The following RARG variants were observed in gnomAD, a reference collection of about 807,000 sequenced individuals.
The protein encoded by RARG is RAR-gamma.
Under a neutral mutation model 43.7 loss-of-function variants are expected in RARG, and 17 were observed. The observed-to-expected ratio is 0.39, with a 90% CI of 0.27 to 0.58. The LOEUF (loss-of-function observed/expected upper bound fraction) is 0.58, where lower values mean the gene tolerates loss of function less well. RARG is among the 20% of genes least tolerant of loss of function. The pLI is 0.57. For missense variants in RARG, 346 were observed against 598.7 expected (o/e 0.58, Z 4.40); for synonymous variants, 238 against 236.4 (o/e 1.01, Z -0.06).
intron 3 of RARG, among the ~76,000 whole-genome samples, chr12:53,222,948 C>T (rs999305474): frequency 2.6e-5 from 4 of 152,244 alleles, no homozygotes; most frequent in Admixed American, 6.5e-5. Flanking sequence ...CCCTATGATC[C>T]CCACCACCAG....
At position 53,227,653 on chromosome 12, in the gene RARG, C is replaced by A; in HGVS notation, c.-108G>T. 1 of 1,345,102 alleles carries A rather than the reference C, an allele frequency of 7.4e-7. No homozygotes were observed. Among genetic ancestry groups the A allele is most frequent in the Non-Finnish European group, 9.5e-7 (1 of 1,049,778 alleles). 83.3% of individuals were successfully genotyped at this position (1,345,102 alleles called of 1,614,324 possible). ...CCCAGCCTGGGAGGCTCCGTACCCG[C>A]CCTGCCTGGCCTGCCCACTGGGCCT... On this transcript the variant is annotated 5_prime_UTR_variant, in exon 3 of 10. Coordinates refer to ENST00000425354, the MANE Select transcript of RARG (RefSeq NM_000966.6). The surrounding 1 kb of genome is among the most constrained non-coding windows in gnomAD (Gnocchi z 4.3).
intron 3 of RARG, chr12:53,220,246 T>G (rs1285188818): frequency 8.7e-4 from 267 of 306,802 alleles, no homozygotes; most frequent in South Asian, 1.1e-3. Context: ...GGGTAAGGGG[T>G]GGGCGGGGAA....
At chr12:53,228,864 C>T (rs964363793) in intron 2 of RARG, among the ~76,000 whole-genome samples, 2 of 152,118 alleles carry the variant, frequency 1.3e-5, no homozygotes, top group Admixed American at 6.5e-5. Context: ...GTGAGCGACA[C>T]GCCCGGGCAT....
At position 53,213,157 on chromosome 12, in the gene RARG, G is replaced by A. The variant is rs757349755; in HGVS notation, c.1105C>T (p.Arg369Trp). The A allele has an allele frequency of 2.5e-6, 4 of 1,613,850 alleles. No individual in the cohort carries two copies. Among genetic ancestry groups the A allele is most frequent in the South Asian group, 1.1e-5 (1 of 91,052 alleles). ...GGGAACATGTAGGGCTGGCTGGGCC[G>A]CCGGCGCCGGGCGTACAGCCTCAGG... ...EALRLYARRR[R>W]PSQPYMFPRM... The change falls in exon 9 of 10, where the codon CGG (arginine) becomes TGG (tryptophan). Residue 369 changes from arginine to tryptophan, a missense_variant. By Grantham distance (101) the Arg-to-Trp change is moderately radical (BLOSUM62 -3). Coordinates refer to ENST00000425354, the MANE Select transcript of RARG (RefSeq NM_000966.6). This position sits in a 1 kb window ranked among gnomAD's most constrained non-coding sequence, Gnocchi z 4.7.
At position 53,215,868 on chromosome 12, in the gene RARG, A is replaced by C; in HGVS notation, c.185-74T>G. The C allele has an allele frequency of 6.9e-7, 1 of 1,439,448 alleles. No individual in the cohort carries two copies. The highest frequency in any genetic ancestry group is 9.3e-7 in the Non-Finnish European group (1 of 1,078,376). The allele number at this position is 1,439,448 out of a possible 1,614,324, so 89.2% of individuals were successfully genotyped here. Reference sequence around the variant, plus strand: ...ACCTCCAGGCTTCCTCATCACACACACCCCATGTGCATTTGTTCCTTGGCC... The same window carrying C: ...ACCTCCAGGCTTCCTCATCACACACCCCCCATGTGCATTTGTTCCTTGGCC... On this transcript the variant is annotated intron_variant, in intron 3 of 9. Coordinates refer to ENST00000425354, the MANE Select transcript of RARG (RefSeq NM_000966.6). This position sits in a 1 kb window ranked among gnomAD's most constrained non-coding sequence, Gnocchi z 6.4.
At chr12:53,224,268 A>G (rs1401050101) in intron 3 of RARG, among the ~76,000 whole-genome samples, 1 of 151,300 alleles carries the variant, frequency 6.6e-6, no homozygotes, top group African/African-American at 2.4e-5. Flanking sequence ...CAGCCCCAGG[A>G]AGTAGAGCAA....
Position 53,227,406 on chromosome 12 carries a change from C to G in RARG, c.140G>C (p.Arg47Pro). ...PPFEMLSPSFRGLGQPDLPKE... is the reference protein window; with the variant it reads ...PPFEMLSPSFPGLGQPDLPKE... ...GGGGAGGTCAGGCTGGCCCAGGCCC[C>G]GGAAGCTAGGGCTCAGCATCTCGAA... The change falls in exon 3 of 10, where the codon CGG (arginine) becomes CCG (proline). Residue 47 changes from arginine (R) to proline (P), a missense_variant. By Grantham distance (103) the Arg-to-Pro change is moderately radical. This residue lies in a region of RARG where 90 missense variants were observed against 93.2 expected (regional missense o/e 0.97). Coordinates refer to ENST00000425354, the MANE Select transcript of RARG (RefSeq NM_000966.6). This position sits in a 1 kb window ranked among gnomAD's most constrained non-coding sequence, Gnocchi z 4.3. 1 of 1,601,420 alleles carries G rather than the reference C, an allele frequency of 6.2e-7. No homozygotes were observed. Among genetic ancestry groups the G allele is most frequent in the Non-Finnish European group, 8.5e-7 (1 of 1,174,202 alleles).
intron 2 of RARG, among the ~76,000 whole-genome samples, chr12:53,228,001 C>T (rs1414670595): frequency 6.6e-6 from 1 of 152,194 alleles, no homozygotes; most frequent in East Asian, 1.9e-4. Flanking sequence ...AGCATTTGAC[C>T]TAAACCTCAC....
At chr12:53,222,218 AAAG>A (rs1461488853) in intron 3 of RARG, among the ~76,000 whole-genome samples, 1 of 142,756 alleles carries the variant, frequency 7.0e-6, no homozygotes, top group Non-Finnish European at 1.5e-5. Context: ...CCCACAAAAA[AAAG>A]AAAGAAAGAG....
In RARG at chr12:53,219,241, T is replaced by C. The variant is rs1446108767; in HGVS notation, c.185-3447A>G. ...TGGAGCCATAGGAAAAAGTAATCTC[T>C]GCATATAACCGCATACACGTTTCCA... is the stretch of plus-strand genomic sequence containing the variant. On this transcript the variant is annotated intron_variant, in intron 3 of 9. Coordinates refer to ENST00000425354, the MANE Select transcript of RARG (RefSeq NM_000966.6). Among the ~76,000 whole-genome samples, 3 of 152,362 alleles carry C rather than the reference T, an allele frequency of 2.0e-5. No individual in the cohort carries two copies. The East Asian group carries it at 5.8e-4, about 29-fold the overall frequency.
In RARG at chr12:53,214,081, T is replaced by C; in HGVS notation, c.791A>G (p.Lys264Arg). The change falls in exon 7 of 10, where the codon AAA (lysine) becomes AGA (arginine). Residue 264 changes from lysine to arginine, a missense_variant. Around this residue, in one of 8 missense-constraint regions of RARG, gnomAD observed 37 missense variants for 146.3 expected, o/e 0.25. Transcript: ENST00000425354. The part of the protein sequence containing the change: ...LSIADQITLL[K>R]AACLDILMLR... Reference sequence around the variant, plus strand: ...TACCAGGATATCTAGGCAGGCAGCTTTGAGCAGAGTGATCTGGTCAGCAAT... The same window carrying C: ...TACCAGGATATCTAGGCAGGCAGCTCTGAGCAGAGTGATCTGGTCAGCAAT... 6.2e-7 allele frequency: 1 copy of C among 1,613,764 alleles called. No individual in the cohort carries two copies. Among genetic ancestry groups the C allele is most frequent in the Non-Finnish European group, 8.5e-7 (1 of 1,179,912 alleles).
intron 3 of RARG, among the ~76,000 whole-genome samples, chr12:53,223,523 G>GC (rs139275762): frequency 0.034 from 3,505 of 103,554 alleles, 72 homozygotes; most frequent in South Asian, 0.07. Flanking sequence ...GGCTCCCCCC[G>GC]CCCCCCCCCC....
At chr12:53,212,841 T>C (rs1942642111) in intron 9 of RARG, among the ~76,000 whole-genome samples, 1 of 151,974 alleles carries the variant, frequency 6.6e-6, no homozygotes, top group African/African-American at 2.4e-5. Flanking sequence ...ACATTTCAGA[T>C]GCTTAATAGC....
At chr12:53,212,985 T>G in intron 9 of RARG, 100 bp downstream of exon 9, 2 of 1,317,784 alleles carry the variant, frequency 1.5e-6, no homozygotes, top group Admixed American at 2.7e-5. Context: ...GATTGCCTGG[T>G]TCTCAACTAC....
Position 53,220,293 on chromosome 12 carries a change from G to A in RARG, c.185-4499C>T, listed in dbSNP as rs569300485. On this transcript the variant is annotated intron_variant, in intron 3 of 9. Coordinates refer to ENST00000425354, the MANE Select transcript of RARG (RefSeq NM_000966.6). ...CCCAGCAGGGGAAAGGGACTGGGCG[G>A]GGCGCGAAGCTGGGGCTGCCGCTTT... 7.8e-4 allele frequency: 1,110 copies of A among 1,428,690 alleles called. 13 individuals carry two copies. The African/African-American group carries it at 0.015, about 19-fold the overall frequency. The allele number at this position is 1,428,690 out of a possible 1,614,324, so 88.5% of individuals were successfully genotyped here.
At chr12:53,216,160 A>T (rs910658974) in intron 3 of RARG, among the ~76,000 whole-genome samples, 1 of 152,136 alleles carries the variant, frequency 6.6e-6, no homozygotes, top group African/African-American at 2.4e-5. Context: ...GAAGAGTTAA[A>T]GCCCTGCAGC....
At chr12:53,220,192 A>AGGGGGG (rs764641682) in intron 3 of RARG, 1 of 1,282,282 alleles carries the variant, frequency 7.8e-7, no homozygotes, top group Non-Finnish European at 1.0e-6. Flanking sequence ...CCGCTCCAGC[A>AGGGGGG]GGGGGGGAGG....
At chr12:53,214,848 T>C (rs1379535683) in intron 5 of RARG, 5 of 475,078 alleles carry the variant, frequency 1.1e-5, no homozygotes, top group African/African-American at 7.8e-5. Context: ...CATCCTGTCC[T>C]TCCTGTCACC....
chr12:53,218,766 G>C (rs1405864089), intron 3 of RARG, among the ~76,000 whole-genome samples: 1 of 151,784 alleles, frequency 6.6e-6, no homozygotes, highest in Non-Finnish European at 1.5e-5. Flanking sequence ...TGGTGACCTG[G>C]CGTGCGCACT....
Sources: gnomAD v4.1 joint callset for allele counts (sites outside exome capture counted in the v4.1 genomes callset) on GRCh38, gnomAD v4.1.1 for gene constraint, gnomAD v4.1.1 regional missense constraint, Gnocchi (gnomAD v3.1) non-coding constraint, MANE v1.5 for transcripts, NCBI Gene and HGNC (gene_info 2026-07-23, HGNC 2026-07-21) for gene names.